Variants in DLG2 observed in about 807,000 individuals in gnomAD.
The protein encoded by DLG2 is disks large homolog 2.
DLG2 carries 45 observed loss-of-function variants against 132.5 expected under a neutral mutation model. The observed-to-expected ratio is 0.34, with a 90% CI of 0.27 to 0.44. The LOEUF is 0.44. Among genes scored for constraint, DLG2 ranks in the 20% least tolerant of loss-of-function variants. DLG2 has a pLI of 1.00. For missense variants in DLG2, 1,045 were observed against 1,196.9 expected (o/e 0.87, Z 1.87); for synonymous variants, 424 against 419.6 (o/e 1.01, Z -0.13).
At chr11:84,725,374 T>C (rs756766585) in intron 6 of DLG2, among the ~76,000 whole-genome samples, 13 of 152,172 alleles carry the variant, frequency 8.5e-5, no homozygotes, top group African/African-American at 2.2e-4. Context: ...ATTAGCTGTG[T>C]GATTTCAACC....
chr11:83,515,971 T>C (rs1255890598), intron 21 of DLG2, among the ~76,000 whole-genome samples: 2 of 152,126 alleles, frequency 1.3e-5, no homozygotes, highest in Non-Finnish European at 2.9e-5. Context: ...GGAATAGGTG[T>C]GGTGTGGTGC....
At chr11:85,351,547 T>C (rs994364075) in intron 3 of DLG2, among the ~76,000 whole-genome samples, 13 of 152,204 alleles carry the variant, frequency 8.5e-5, no homozygotes, top group East Asian at 1.9e-4. Context: ...GGCTGTGGGT[T>C]TGTCATAAAT....
At chr11:85,427,216 A>C (rs2090824426) in intron 3 of DLG2, among the ~76,000 whole-genome samples, 1 of 152,258 alleles carries the variant, frequency 6.6e-6, no homozygotes, top group African/African-American at 2.4e-5. Flanking sequence ...GATATTATCC[A>C]GGAGAACTTC....
At chr11:85,011,600 T>C (rs943404006) in intron 6 of DLG2, among the ~76,000 whole-genome samples, 4 of 152,208 alleles carry the variant, frequency 2.6e-5, no homozygotes, top group African/African-American at 9.6e-5. Context: ...TTATATACTC[T>C]CTCCAGGCCT....
intron 6 of DLG2, among the ~76,000 whole-genome samples, chr11:84,595,024 T>C (rs557575811): frequency 3.2e-4 from 48 of 152,274 alleles, no homozygotes; most frequent in African/African-American, 1.1e-3. Context: ...TCACAAAATG[T>C]AGGTCGTTGA....
intron 7 of DLG2, among the ~76,000 whole-genome samples, chr11:84,376,944 T>C (rs2098731751): frequency 6.6e-6 from 1 of 151,932 alleles, no homozygotes; most frequent in Non-Finnish European, 1.5e-5. Flanking sequence ...GAAAAAATGT[T>C]AAAAGGCAAC....
In DLG2 at chr11:84,766,340, T is replaced by C. The variant is rs181735849; in HGVS notation, c.358-231609A>G. Among the ~76,000 whole-genome samples, 462 of 152,190 alleles carry C rather than the reference T, an allele frequency of 3.0e-3. 3 individuals are homozygous for C. Among genetic ancestry groups the C allele is most frequent in the Non-Finnish European group, 4.4e-3 (298 of 67,914 alleles). On this transcript the variant is annotated intron_variant, in intron 6 of 27. Transcript: ENST00000376104. The stretch of plus-strand genomic sequence containing the variant: ...ACACTGTGTACCTTTCTTCCTATTA[T>C]AGTATGAGTAATTTTACATCTATTT...
intron 3 of DLG2, among the ~76,000 whole-genome samples, chr11:85,551,542 C>T (rs905931136): frequency 6.6e-5 from 10 of 151,786 alleles, no homozygotes; most frequent in African/African-American, 2.2e-4. Flanking sequence ...TCCTTTATAA[C>T]TATTAAATTA....
At chr11:84,519,667 T>C (rs1473517617) in intron 7 of DLG2, among the ~76,000 whole-genome samples, 3 of 152,108 alleles carry the variant, frequency 2.0e-5, no homozygotes, top group Non-Finnish European at 2.9e-5. Flanking sequence ...ACACAATAGA[T>C]TGGGAGGCCT....
At chr11:84,879,427 G>C (rs1218662971) in intron 6 of DLG2, among the ~76,000 whole-genome samples, 1 of 152,134 alleles carries the variant, frequency 6.6e-6, no homozygotes. Flanking sequence ...AAAACTATAG[G>C]TTGGAAGGGC....
chr11:83,799,384 G>A (rs1444341676), intron 17 of DLG2, among the ~76,000 whole-genome samples: 1 of 152,176 alleles, frequency 6.6e-6, no homozygotes, highest in Non-Finnish European at 1.5e-5. Flanking sequence ...GAGAAACTGG[G>A]GTTAATGAAT....
intron 6 of DLG2, among the ~76,000 whole-genome samples, chr11:84,707,588 C>A (rs918100834): frequency 1.3e-5 from 2 of 151,758 alleles, no homozygotes; most frequent in African/African-American, 4.8e-5. Flanking sequence ...AGGTTGTATT[C>A]CCAAGCTAGG....
intron 3 of DLG2, among the ~76,000 whole-genome samples, chr11:85,459,205 A>G (rs1000217373): frequency 1.3e-5 from 2 of 152,228 alleles, no homozygotes; most frequent in African/African-American, 4.8e-5. Context: ...TGGCAGTAGC[A>G]GAGGGCCTTT....
intron 19 of DLG2, among the ~76,000 whole-genome samples, chr11:83,605,397 G>A (rs147692410): frequency 4.6e-4 from 70 of 152,280 alleles, no homozygotes; most frequent in Non-Finnish European, 8.4e-4. Flanking sequence ...AACAAAACAC[G>A]TAAGCAAGCA....
intron 8 of DLG2, among the ~76,000 whole-genome samples, chr11:84,203,968 T>C (rs936745693): frequency 6.6e-6 from 1 of 152,184 alleles, no homozygotes; most frequent in Non-Finnish European, 1.5e-5. Context: ...TTTTATTTTT[T>C]ATTTTTGAGA....
chr11:84,533,084 C>T (rs142847916), intron 7 of DLG2, among the ~76,000 whole-genome samples: 7 of 152,166 alleles, frequency 4.6e-5, no homozygotes, highest in Non-Finnish European at 8.8e-5. Context: ...AAACCTCTGA[C>T]GAGTCATTAT....
At chr11:83,571,592 C>CA (rs71066051) in intron 19 of DLG2, among the ~76,000 whole-genome samples, 7,019 of 113,590 alleles carry the variant, frequency 0.062, 209 homozygotes, top group South Asian at 0.13. Context: ...GACTCCGTCT[C>CA]AAAAAAAAAA....
intron 3 of DLG2, among the ~76,000 whole-genome samples, chr11:85,346,067 C>CAT (rs1487848308): frequency 6.6e-6 from 1 of 151,988 alleles, no homozygotes; most frequent in East Asian, 1.9e-4. Context: ...ACAGCTACTC[C>CAT]ATAGACAGAG....
intron 21 of DLG2, among the ~76,000 whole-genome samples, chr11:83,498,856 A>G (rs2094298745): frequency 6.6e-6 from 1 of 151,900 alleles, no homozygotes; most frequent in South Asian, 2.1e-4. Context: ...CATTGCAAAC[A>G]TTAGGAATAA....
Sources: allele counts gnomAD v4.1 joint callset (sites outside exome capture counted in the v4.1 genomes callset), GRCh38; gene constraint gnomAD v4.1.1; transcripts MANE v1.5; gene names NCBI Gene and HGNC (gene_info 2026-07-23, HGNC 2026-07-21).